The following PDE4A variants were observed in gnomAD, a reference collection of about 807,000 sequenced individuals.
PDE4A encodes phosphodiesterase 4A.
PDE4A carries 21 observed loss-of-function variants against 73.9 expected under a neutral mutation model. That is an observed-to-expected ratio of 0.28 (90% CI 0.20 to 0.41). The LOEUF (loss-of-function observed/expected upper bound fraction) is 0.41, where lower values mean the gene tolerates loss of function less well. Among genes scored for constraint, PDE4A ranks in the 10% least tolerant of loss-of-function variants. The pLI, the probability that PDE4A is intolerant of heterozygous loss-of-function variation, is 1.00. For synonymous variants in PDE4A, 463 were observed against 505.4 expected, an observed-to-expected ratio of 0.92 and a Z score of 1.13; for missense variants, 958 against 1,211.4, an observed-to-expected ratio of 0.79 and a Z score of 3.10.
intron 1 of PDE4A, among the ~76,000 whole-genome samples, chr19:10,435,927 CTCAGCCCAGGGG>C (rs1412549547): frequency 4.6e-5 from 7 of 152,188 alleles, no homozygotes; most frequent in East Asian, 3.9e-4. Flanking sequence ...TCTGTCCTCC[CTCAGCCCAGGGG>C]ACATCGGGTC....
At chr19:10,457,755 C>G (rs553056808) in intron 7 of PDE4A, 124 bp from the exon 8 acceptor site, 104 of 1,486,678 alleles carry the variant, frequency 7.0e-5, no homozygotes, top group Non-Finnish European at 2.2e-5. Context: ...AGCGGCATCA[C>G]AGCTGAAAGG....
upstream of PDE4A, chr19:10,418,717 C>G (rs138191860): frequency 2.0e-6 from 2 of 981,712 alleles, no homozygotes; most frequent in African/African-American, 1.8e-5. Context: ...TTCTGCAACC[C>G]CAGCTGTGTC....
intron 14 of PDE4A, 150 bp from the exon 15 acceptor site, chr19:10,466,737 G>A (rs1002531549): frequency 1.9e-5 from 23 of 1,227,734 alleles, no homozygotes; most frequent in Admixed American, 7.0e-5. Context: ...CAAATGATCC[G>A]ACTGCCTCAG....
chr19:10,457,832 G>A lies in PDE4A; in HGVS notation c.878-47G>A, dbSNP rs200262986. 26 of 1,607,548 alleles carry A rather than the reference G, an allele frequency of 1.6e-5. 1 individual carries two copies. The South Asian group carries it at 2.8e-4, about 17-fold the overall frequency. Reference sequence around the variant, plus strand: ...GGCTGAAGAATAAGGGAGCCTCCAGGGGTGGAAGGGTTGTTCACACTTGTT... The same window carrying A: ...GGCTGAAGAATAAGGGAGCCTCCAGAGGTGGAAGGGTTGTTCACACTTGTT... On this transcript the variant is annotated intron_variant, in intron 7 of 14. Coordinates refer to ENST00000380702, the MANE Select transcript of PDE4A (RefSeq NM_001111307.2).
chr19:10,432,776 T>G (rs890500108), intron 1 of PDE4A, among the ~76,000 whole-genome samples: 4 of 152,198 alleles, frequency 2.6e-5, no homozygotes, highest in Non-Finnish European at 5.9e-5. Flanking sequence ...AAGTGGGTGC[T>G]GGGTCCATTC....
intron 1 of PDE4A, among the ~76,000 whole-genome samples, chr19:10,434,947 G>A (rs370990470): frequency 2.2e-4 from 32 of 146,058 alleles, no homozygotes; most frequent in Admixed American, 6.3e-4. Context: ...CTGGGATGCA[G>A]TGGTATCATC....
chr19:10,461,821 C>T lies in PDE4A; in HGVS notation c.1621-56C>T, dbSNP rs1434048246. ...CTACCTGGTGAAAACTTCAGAGGCC[C>T]GGGTCAGTCTGGGGGGCGGGTGTCA... On this transcript the variant is annotated intron_variant, in intron 12 of 14. Transcript: ENST00000380702. The T allele has an allele frequency of 1.6e-5, 25 of 1,592,270 alleles. No homozygotes were observed. In the South Asian group the frequency reaches 2.4e-4, roughly 15 times the overall value.
chr19:10,417,435 C>T, upstream of PDE4A: 1 of 984,562 alleles, frequency 1.0e-6, no homozygotes, highest in Non-Finnish European at 1.2e-6. Context: ...GCTGGGGCAT[C>T]GAGAGGGGAC....
upstream of PDE4A, among the ~76,000 whole-genome samples, chr19:10,418,411 G>A (rs117175763): frequency 5.7e-4 from 87 of 152,184 alleles, 1 homozygote; most frequent in East Asian, 0.016. Flanking sequence ...AGAATGAGCT[G>A]GAAAGTCAGA....
At position 10,454,909 on chromosome 19, in the gene PDE4A, C is replaced by T. The variant is rs1166536807; in HGVS notation, c.864C>T (p.Ser288=). 6.2e-7 allele frequency: 1 copy of T among 1,614,022 alleles called. No individual in the cohort carries two copies. Among genetic ancestry groups the T allele is most frequent in the East Asian group, 2.2e-5 (1 of 44,872 alleles). The part of the protein sequence containing the change: ...RSGNQVSEYI[S]TTFLDKQNEV... The stretch of plus-strand genomic sequence containing the variant: ...GAAACCAGGTCTCAGAGTACATTTC[C>T]ACAACATTCCTGGGTGAGTGAGGGG... The change falls in exon 7 of 15, where the codon TCC becomes TCT. Residue 288 remains serine, a synonymous_variant. Transcript: ENST00000380702.
Position 10,459,577 on chromosome 19 carries a change from G to GC in PDE4A, c.1201-14dup, listed in dbSNP as rs1462365757. On this transcript the variant is annotated splice_polypyrimidine_tract_variant and intron_variant, in intron 9 of 14. Coordinates refer to ENST00000380702, the MANE Select transcript of PDE4A (RefSeq NM_001111307.2). ...GGAGGCCGGTGGAGGTCACCACCCT[G>GC]CCCCTGCCTGCTCTCAGGAGCGGGA... 1 of 1,612,998 alleles carries GC rather than the reference G, an allele frequency of 6.2e-7. No individual in the cohort carries two copies. Among genetic ancestry groups the GC allele is most frequent in the Admixed American group, 1.7e-5 (1 of 59,998 alleles).
At chr19:10,427,283 G>A (rs994988597) in intron 1 of PDE4A, among the ~76,000 whole-genome samples, 1 of 152,186 alleles carries the variant, frequency 6.6e-6, no homozygotes, top group Non-Finnish European at 1.5e-5. Flanking sequence ...CTGGGTGACA[G>A]AGCAAGACTC....
chr19:10,467,774 T>TC lies in PDE4A; in HGVS notation c.*157dup. On this transcript the variant is annotated 3_prime_UTR_variant, in exon 15 of 15. Coordinates refer to ENST00000380702, the MANE Select transcript of PDE4A (RefSeq NM_001111307.2). ...GGGGTTTTTTTCTGTTTTCTTTTTT[T>TC]CCCCTTTCCCCCTGCCCCCACCCAC... 1.8e-6 allele frequency: 1 copy of TC among 564,700 alleles called. No individual in the cohort carries two copies. The highest frequency in any genetic ancestry group is 2.8e-6 in the Non-Finnish European group (1 of 356,478). The allele number at this position is 564,700 out of a possible 1,614,324, so 35.0% of individuals were successfully genotyped here. A position where few individuals can be genotyped will look rare whatever the true frequency, so the allele number is the denominator to read the frequency against.
intron 1 of PDE4A, among the ~76,000 whole-genome samples, chr19:10,441,684 A>ATTTTTTT (rs1308151510): frequency 9.7e-5 from 9 of 92,714 alleles, no homozygotes; most frequent in African/African-American, 2.7e-4. Context: ...ATTTTGAGTT[A>ATTTTTTT]TTTTTTTTTT....
intron 1 of PDE4A, among the ~76,000 whole-genome samples, chr19:10,422,753 ATGGGC>A (rs1166682640): frequency 6.6e-6 from 1 of 152,010 alleles, no homozygotes; most frequent in Non-Finnish European, 1.5e-5. Context: ...CCCAGCATAC[ATGGGC>A]TGACATTTCC....
chr19:10,430,288 G>A (rs1449167039), intron 1 of PDE4A, among the ~76,000 whole-genome samples: 1 of 151,994 alleles, frequency 6.6e-6, no homozygotes, highest in Non-Finnish European at 1.5e-5. Context: ...GGGGCTTGTG[G>A]CATGTCCCAG....
Position 10,451,571 on chromosome 19 carries a change from A to T in PDE4A, c.783+630A>T, listed in dbSNP as rs1049159729. On this transcript the variant is annotated intron_variant, in intron 6 of 14. Coordinates refer to ENST00000380702, the MANE Select transcript of PDE4A (RefSeq NM_001111307.2). ...GTAGGTGTATAGGTTTGCACGGGTA[A>T]TTATGCAGGGTTATAGGTGTGTGGG... is the stretch of plus-strand genomic sequence containing the variant. 1.5e-4 allele frequency among the ~76,000 whole-genome samples: 23 copies of T among 152,132 alleles called. No homozygotes were observed. The South Asian group carries it at 1.9e-3, about 12-fold the overall frequency.
chr19:10,420,355 G>A, upstream of PDE4A: 1 of 978,498 alleles, frequency 1.0e-6, no homozygotes, highest in Non-Finnish European at 1.2e-6. This position sits in a 1 kb window ranked among gnomAD's most constrained non-coding sequence, Gnocchi z 6.0. Context: ...AGCCCGGAGC[G>A]GGGATCTGCG....
chr19:10,442,881 G>C (rs903609935), intron 1 of PDE4A, among the ~76,000 whole-genome samples: 2 of 149,242 alleles, frequency 1.3e-5, no homozygotes. Context: ...TAGTAATAGT[G>C]CATATACATG....
Sources: allele counts gnomAD v4.1 joint callset (sites outside exome capture counted in the v4.1 genomes callset), GRCh38; gene constraint gnomAD v4.1.1; non-coding constraint Gnocchi (gnomAD v3.1); transcripts MANE v1.5; gene names NCBI Gene and HGNC (gene_info 2026-07-23, HGNC 2026-07-21).